Variants in INPP4B observed in about 807,000 individuals in gnomAD.
The protein encoded by INPP4B is inositol polyphosphate-4-phosphatase type II B.
In INPP4B, 55 loss-of-function variants were observed where a neutral mutation model predicts 122.5. The observed-to-expected ratio is 0.45, with a 90% CI of 0.36 to 0.56. The LOEUF (loss-of-function observed/expected upper bound fraction) is 0.56. Ranked by LOEUF, INPP4B falls within the 20% of genes least tolerant of loss-of-function variation. The pLI, the probability that INPP4B is intolerant of heterozygous loss-of-function variation, is 0.00. For synonymous variants in INPP4B, 403 were observed against 388.7 expected (o/e 1.04, Z -0.43); for missense variants, 1,000 against 1,097.7 (o/e 0.91, Z 1.26).
intron 2 of INPP4B, among the ~76,000 whole-genome samples, chr4:142,576,962 C>A (rs1473322291): frequency 6.6e-6 from 1 of 151,940 alleles, no homozygotes; most frequent in African/African-American, 2.4e-5. Context: ...GGCATGTAAA[C>A]ATAAATATGT....
intron 18 of INPP4B, among the ~76,000 whole-genome samples, chr4:142,130,287 T>C (rs186403796): frequency 1.4e-3 from 213 of 152,078 alleles, no homozygotes; most frequent in Non-Finnish European, 2.5e-3. Flanking sequence ...AATAGATGCA[T>C]AAACTGACCA....
At chr4:142,833,245 G>A (rs1782385398) in intron 1 of INPP4B, among the ~76,000 whole-genome samples, 1 of 152,046 alleles carries the variant, frequency 6.6e-6, no homozygotes, top group Non-Finnish European at 1.5e-5. Flanking sequence ...AGAAGCTCTA[G>A]GTGGGTGCTA....
At chr4:142,278,081 C>T (rs550413958) in intron 9 of INPP4B, among the ~76,000 whole-genome samples, 6 of 151,950 alleles carry the variant, frequency 3.9e-5, no homozygotes, top group South Asian at 4.2e-4. Context: ...AAATGGATGG[C>T]CATCATGATC....
At chr4:142,108,695 G>T (rs1788445381) in intron 22 of INPP4B, among the ~76,000 whole-genome samples, 1 of 152,128 alleles carries the variant, frequency 6.6e-6, no homozygotes, top group Non-Finnish European at 1.5e-5. Flanking sequence ...CCAGACAGTA[G>T]ATCATTTCTG....
intron 10 of INPP4B, among the ~76,000 whole-genome samples, chr4:142,269,722 C>A (rs1378521550): frequency 6.6e-6 from 1 of 152,064 alleles, no homozygotes; most frequent in Non-Finnish European, 1.5e-5. Context: ...AATGTTTTTA[C>A]CACACACACA....
intron 2 of INPP4B, among the ~76,000 whole-genome samples, chr4:142,659,525 C>T (rs977165334): frequency 1.5e-4 from 23 of 152,134 alleles, no homozygotes; most frequent in Non-Finnish European, 1.8e-4. Context: ...GAAACTAACC[C>T]TGCTTGTTCC....
At chr4:142,311,739 A>G (rs899032087) in intron 8 of INPP4B, among the ~76,000 whole-genome samples, 5 of 152,124 alleles carry the variant, frequency 3.3e-5, no homozygotes, top group Non-Finnish European at 7.3e-5. Flanking sequence ...GCTCCCCAAT[A>G]CTATGTAAGT....
intron 21 of INPP4B, among the ~76,000 whole-genome samples, chr4:142,116,567 G>C (rs12642708): frequency 0.075 from 11,417 of 152,160 alleles, 548 homozygotes; most frequent in East Asian, 0.24. Context: ...TGACTACTGG[G>C]TACATAACGA....
chr4:142,266,082 G>C (rs1382333242), intron 10 of INPP4B, among the ~76,000 whole-genome samples: 1 of 152,094 alleles, frequency 6.6e-6, no homozygotes, highest in Non-Finnish European at 1.5e-5. Flanking sequence ...TACAGGTCTA[G>C]GCATAATTAT....
At chr4:142,736,470 T>C (rs1408231896) in intron 1 of INPP4B, among the ~76,000 whole-genome samples, 3 of 152,128 alleles carry the variant, frequency 2.0e-5, no homozygotes, top group Non-Finnish European at 4.4e-5. Flanking sequence ...CTCTTTTATT[T>C]TGTTGTGCAG....
chr4:142,281,571 TC>T (rs2150787643), intron 9 of INPP4B, among the ~76,000 whole-genome samples: 1 of 152,132 alleles, frequency 6.6e-6, no homozygotes, highest in South Asian at 2.1e-4. Context: ...GGGTTTTATG[TC>T]TTTTTAATGG....
intron 7 of INPP4B, among the ~76,000 whole-genome samples, chr4:142,402,355 C>A (rs990208103): frequency 2.0e-5 from 3 of 152,124 alleles, no homozygotes; most frequent in African/African-American, 7.2e-5. Flanking sequence ...AAGGATGATG[C>A]AATTGGAGGA....
intron 5 of INPP4B, among the ~76,000 whole-genome samples, chr4:142,408,381 C>A (rs1179040120): frequency 6.6e-6 from 1 of 152,064 alleles, no homozygotes; most frequent in African/African-American, 2.4e-5. Context: ...GACGAAACCC[C>A]ATCTCTATTA....
chr4:142,743,377 G>T (rs1768183030), intron 1 of INPP4B, among the ~76,000 whole-genome samples: 1 of 151,976 alleles, frequency 6.6e-6, no homozygotes, highest in South Asian at 2.1e-4. Context: ...AAGCCAGAAA[G>T]GAAGTAGCTG....
chr4:142,791,020 G>C (rs1776481305), intron 1 of INPP4B, among the ~76,000 whole-genome samples: 1 of 152,008 alleles, frequency 6.6e-6, no homozygotes, highest in Admixed American at 6.6e-5. Context: ...TTAATACCTA[G>C]CATCTATATA....
chr4:142,064,576 C>G (rs748726289), intron 25 of INPP4B, among the ~76,000 whole-genome samples: 1 of 152,104 alleles, frequency 6.6e-6, no homozygotes, highest in African/African-American at 2.4e-5. Flanking sequence ...ATTTCAAGAG[C>G]AGCTGCTATA....
At chr4:142,370,392 T>G (rs1212673347) in intron 7 of INPP4B, among the ~76,000 whole-genome samples, 1 of 152,274 alleles carries the variant, frequency 6.6e-6, no homozygotes, top group East Asian at 1.9e-4. Context: ...TAAAAGTACT[T>G]AAGACTTTAG....
intron 2 of INPP4B, among the ~76,000 whole-genome samples, chr4:142,602,220 T>C (rs1740164304): frequency 6.6e-6 from 1 of 151,902 alleles, no homozygotes; most frequent in South Asian, 2.1e-4. Context: ...ATGAATGAAC[T>C]CTCATTCACA....
intron 21 of INPP4B, among the ~76,000 whole-genome samples, chr4:142,120,970 T>C (rs904920780): frequency 1.7e-4 from 26 of 152,104 alleles, no homozygotes; most frequent in Non-Finnish European, 2.6e-4. Flanking sequence ...GCATGATCAC[T>C]TTTGAGTTTC....
Sources: allele counts gnomAD v4.1 joint callset (sites outside exome capture counted in the v4.1 genomes callset), GRCh38; gene constraint gnomAD v4.1.1; transcripts MANE v1.5; gene names NCBI Gene and HGNC (gene_info 2026-07-23, HGNC 2026-07-21).